The following SPEF2 variants were observed in gnomAD, a reference collection of about 807,000 sequenced individuals.
SPEF2 encodes the protein sperm flagellar and cilia associated 2.
SPEF2 carries 187 observed loss-of-function variants against 224.6 expected under a neutral mutation model. The ratio of observed to expected loss-of-function variants is 0.83; its 90% CI spans 0.74 to 0.94. The LOEUF (loss-of-function observed/expected upper bound fraction) is 0.94. Ranked by LOEUF, SPEF2 falls within the 40% of genes least tolerant of loss-of-function variation. The pLI is 0.00. For missense variants in SPEF2, 2,170 were observed against 2,135.6 expected (o/e 1.02, Z -0.32); for synonymous variants, 715 against 707.3 (o/e 1.01, Z -0.17).
intron 32 of SPEF2, among the ~76,000 whole-genome samples, chr5:35,793,727 AACAC>A (rs374573342): frequency 1.9e-3 from 188 of 100,868 alleles, no homozygotes; most frequent in African/African-American, 4.0e-3. Flanking sequence ...CAGTGGTTAA[AACAC>A]ACACACACAC....
At chr5:35,786,720 G>C (rs1179248665) in intron 30 of SPEF2, among the ~76,000 whole-genome samples, 3 of 152,006 alleles carry the variant, frequency 2.0e-5, no homozygotes, top group African/African-American at 7.2e-5. Context: ...AAAGGCAGAG[G>C]CAGGTCAACT....
In SPEF2 at chr5:35,799,436, T is replaced by C. The variant is rs59364224; in HGVS notation, c.4831-532T>C. Reference sequence around the variant, plus strand: ...TTGATATTTGGTGTTTAGTATGCTCTCTGCCTGGATGTGAAGTCAACTAGG... The same window carrying C: ...TTGATATTTGGTGTTTAGTATGCTCCCTGCCTGGATGTGAAGTCAACTAGG... On this transcript the variant is annotated intron_variant, in intron 33 of 36. Coordinates refer to ENST00000356031, the MANE Select transcript of SPEF2 (RefSeq NM_024867.4). Among the ~76,000 whole-genome samples the C allele has an allele frequency of 4.2e-3, 645 of 152,352 alleles. 34 individuals carry two copies. The East Asian group carries it at 0.1, about 25-fold the overall frequency.
At chr5:35,734,858 C>T (rs1746304710) in intron 21 of SPEF2, among the ~76,000 whole-genome samples, 1 of 151,844 alleles carries the variant, frequency 6.6e-6, no homozygotes, top group African/African-American at 2.4e-5. Context: ...ACTACAGGTG[C>T]ATGCCACCAC....
At chr5:35,755,402 T>G (rs1400061246) in intron 24 of SPEF2, among the ~76,000 whole-genome samples, 1 of 152,170 alleles carries the variant, frequency 6.6e-6, no homozygotes, top group East Asian at 1.9e-4. Context: ...TATGAATCAT[T>G]CTTCATTCAG....
intron 21 of SPEF2, among the ~76,000 whole-genome samples, chr5:35,732,593 CA>C (rs1433170416): frequency 1.3e-5 from 2 of 152,000 alleles, no homozygotes; most frequent in South Asian, 4.2e-4. Flanking sequence ...ATACAGTCTC[CA>C]AAAAATTTAA....
At chr5:35,704,693 G>A in intron 17 of SPEF2, 31 bp downstream of exon 17, 1 of 1,260,998 alleles carries the variant, frequency 7.9e-7, no homozygotes, top group Non-Finnish European at 1.2e-6. Context: ...TCTGCTTCTT[G>A]TTTCATGCTT....
chr5:35,754,667 A>T (rs1040448910), intron 24 of SPEF2, among the ~76,000 whole-genome samples: 1 of 152,186 alleles, frequency 6.6e-6, no homozygotes, highest in Non-Finnish European at 1.5e-5. Flanking sequence ...AAAGATTTAC[A>T]TCTCAAAGGA....
At chr5:35,767,203 CAATG>C (rs1752203767) in intron 26 of SPEF2, among the ~76,000 whole-genome samples, 2 of 151,882 alleles carry the variant, frequency 1.3e-5, no homozygotes, top group South Asian at 4.2e-4. Context: ...ATATTTGAGA[CAATG>C]AAATTGGGAA....
intron 1 of SPEF2, among the ~76,000 whole-genome samples, chr5:35,620,344 G>C (rs1429935428): frequency 6.6e-6 from 1 of 152,134 alleles, no homozygotes; most frequent in African/African-American, 2.4e-5. Flanking sequence ...TAAAAAGCAA[G>C]AACTTGGAGG....
chr5:35,760,687 T>TC (rs1751159141), intron 25 of SPEF2, among the ~76,000 whole-genome samples: 2 of 152,076 alleles, frequency 1.3e-5, no homozygotes, highest in South Asian at 4.1e-4. Flanking sequence ...TTTTTGTAGA[T>TC]CCAATGGGTA....
chr5:35,629,064 A>T (rs1195336660), intron 2 of SPEF2, among the ~76,000 whole-genome samples: 1 of 149,884 alleles, frequency 6.7e-6, no homozygotes, highest in Non-Finnish European at 1.5e-5. Flanking sequence ...TACAAAGGAG[A>T]GATTGTTATA....
At chr5:35,641,745 C>T in intron 3 of SPEF2, 62 bp downstream of exon 3, 2 of 1,531,084 alleles carry the variant, frequency 1.3e-6, no homozygotes, top group South Asian at 1.3e-5. Flanking sequence ...AGAGAAATGA[C>T]AATGATATTG....
chr5:35,700,650 G>A lies in SPEF2; in HGVS notation c.2296G>A (p.Ala766Thr). The A allele has an allele frequency of 6.2e-7, 1 of 1,614,006 alleles. No homozygotes were observed. Among genetic ancestry groups the A allele is most frequent in the Non-Finnish European group, 8.5e-7 (1 of 1,179,970 alleles). The change falls in exon 16 of 37, where the codon GCG (alanine) becomes ACG (threonine). Residue 766 changes from alanine (A) to threonine (T), a missense_variant. By Grantham distance (58) the Ala-to-Thr change is moderately conservative. Coordinates refer to ENST00000356031, the MANE Select transcript of SPEF2 (RefSeq NM_024867.4). Reference protein sequence around the residue: ...AQKSTLAIDPATSKEIPLPSP... With the variant: ...AQKSTLAIDPTTSKEIPLPSP... ...AAAATCCACATTGGCTATTGATCCT[G>A]CGACTTCCAAAGAAATACCTCTTCC...
chr5:35,640,278 C>G (rs182743779), intron 2 of SPEF2, among the ~76,000 whole-genome samples: 63 of 152,184 alleles, frequency 4.1e-4, no homozygotes, highest in African/African-American at 1.4e-3. Flanking sequence ...TAACCCAGAC[C>G]AAAGCTCTGA....
chr5:35,776,148 A>G lies in SPEF2; in HGVS notation c.4079-109A>G. Reference sequence around the variant, plus strand: ...ATCTATTCTGGTATATTAAACGTGCACCTAAAGCTTCACAAATTGAAGCAC... The same window carrying G: ...ATCTATTCTGGTATATTAAACGTGCGCCTAAAGCTTCACAAATTGAAGCAC... On this transcript the variant is annotated intron_variant, in intron 28 of 36. Transcript: ENST00000356031. 8.3e-6 allele frequency: 9 copies of G among 1,081,112 alleles called. No individual in the cohort carries two copies. In the South Asian group the frequency reaches 1.7e-4, roughly 20 times the overall value. The allele number at this position is 1,081,112 out of a possible 1,614,324, so 67.0% of individuals were successfully genotyped here.
At chr5:35,759,506 G>T in intron 24 of SPEF2, 62 bp from the exon 25 acceptor site, 1 of 1,339,888 alleles carries the variant, frequency 7.5e-7, no homozygotes, top group South Asian at 2.4e-5. Flanking sequence ...GGCTTATATC[G>T]GAAATATGTA....
intron 2 of SPEF2, among the ~76,000 whole-genome samples, chr5:35,635,031 A>T (rs1056200858): frequency 5.3e-5 from 8 of 152,042 alleles, no homozygotes; most frequent in African/African-American, 1.9e-4. Context: ...ATACTAGCGA[A>T]GTGATTTTCC....
At chr5:35,760,416 G>A (rs12332521) in intron 25 of SPEF2, among the ~76,000 whole-genome samples, 3,187 of 151,672 alleles carry the variant, frequency 0.021, 127 homozygotes, top group African/African-American at 0.074. Flanking sequence ...GACCAAAGCA[G>A]GTGTGTGTGT....
chr5:35,772,417 CA>C (rs1010085516), intron 27 of SPEF2, among the ~76,000 whole-genome samples: 20 of 152,010 alleles, frequency 1.3e-4, no homozygotes, highest in Non-Finnish European at 2.9e-4. Context: ...AAAACAAAAC[CA>C]AAAATCACAA....
Sources: gnomAD v4.1 joint callset for allele counts (sites outside exome capture counted in the v4.1 genomes callset) on GRCh38, gnomAD v4.1.1 for gene constraint, MANE v1.5 for transcripts, NCBI Gene and HGNC (gene_info 2026-07-23, HGNC 2026-07-21) for gene names.